NTMT1: variants seen among roughly 807,000 people sequenced by gnomAD.
NTMT1 encodes the protein N-terminal Xaa-Pro-Lys N-methyltransferase 1, also known as N-terminal RCC1 methyltransferase.
A neutral mutation model predicts 17.5 loss-of-function variants in NTMT1; 8 were observed. The observed-to-expected ratio is 0.46, with a 90% CI of 0.27 to 0.82. The LOEUF is 0.82. NTMT1 is among the 40% of genes least tolerant of loss of function. The pLI is 0.15. For missense variants in NTMT1, 221 were observed against 303.5 expected, an observed-to-expected ratio of 0.73 and a Z score of 2.02; for synonymous variants, 128 against 126.8, an observed-to-expected ratio of 1.01 and a Z score of -0.06.
chr9:129,635,219 G>T lies in NTMT1; in HGVS notation c.427G>T (p.Asp143Tyr). 1.2e-6 allele frequency: 2 copies of T among 1,609,614 alleles called. No individual in the cohort carries two copies. The highest frequency in any genetic ancestry group is 1.1e-5 in the South Asian group (1 of 91,010). The change falls in exon 4 of 4, where the codon GAT (aspartate) becomes TAT (tyrosine). Residue 143 changes from aspartate (D) to tyrosine (Y), a missense_variant. By Grantham distance (160) the Asp-to-Tyr change is radical (BLOSUM62 -3). Coordinates refer to ENST00000372483, the MANE Select transcript of NTMT1 (RefSeq NM_014064.4). Reference protein sequence around the residue: ...WIQWVIGHLTDQHLAEFLRRC... With the variant: ...WIQWVIGHLTYQHLAEFLRRC... ...TCTGCCCTCCCCAGGCCACCTCACC[G>T]ATCAGCACCTGGCCGAGTTCCTGCG...
intron 2 of NTMT1, 66 bp from the exon 3 acceptor site, chr9:129,633,988 C>T (rs1026885973): frequency 9.1e-6 from 14 of 1,542,374 alleles, no homozygotes; most frequent in Middle Eastern, 1.7e-4. Context: ...TCCTAGGGCT[C>T]GTGAGGAAGG....
At chr9:129,633,010 G>T in intron 2 of NTMT1, 145 bp downstream of exon 2, 1 of 868,436 alleles carries the variant, frequency 1.2e-6, no homozygotes, top group South Asian at 1.7e-5. Context: ...TGAGGAGCTG[G>T]GCTGGGTGGG....
chr9:129,610,219 GGGGAAA>G (rs1830079693), intron 1 of NTMT1, among the ~76,000 whole-genome samples: 1 of 45,964 alleles, frequency 2.2e-5, no homozygotes, highest in African/African-American at 1.3e-4. Flanking sequence ...GGGAGGGGGA[GGGGAAA>G]GGGGGAGGGA....
chr9:129,619,942 G>A, intron 1 of NTMT1: 1 of 1,492,298 alleles, frequency 6.7e-7, no homozygotes, highest in South Asian at 1.2e-5. Context: ...CGAGGGCTCT[G>A]AGATACTCAG....
chr9:129,618,490 T>G (rs768968557), intron 1 of NTMT1, among the ~76,000 whole-genome samples: 1 of 152,078 alleles, frequency 6.6e-6, no homozygotes, highest in South Asian at 2.1e-4. Flanking sequence ...GAACTATGAA[T>G]GTATGGGTAG....
chr9:129,632,625 G>T, intron 1 of NTMT1, 25 bp from the exon 2 acceptor site: 2 of 1,562,800 alleles, frequency 1.3e-6, no homozygotes, highest in Non-Finnish European at 8.7e-7. Flanking sequence ...CTGGCCCGCT[G>T]ACTCACGCCC....
chr9:129,630,804 G>A (rs553662123), intron 1 of NTMT1, among the ~76,000 whole-genome samples: 2 of 152,252 alleles, frequency 1.3e-5, no homozygotes, highest in African/African-American at 2.4e-5. Flanking sequence ...GTTTTCCACC[G>A]AGGGTATTTT....
chr9:129,611,150 C>T (rs1420778578), intron 1 of NTMT1, among the ~76,000 whole-genome samples: 1 of 152,212 alleles, frequency 6.6e-6, no homozygotes, highest in African/African-American at 2.4e-5. Context: ...CACCAGCCAC[C>T]GCCCAGGCCA....
chr9:129,613,298 G>A lies in NTMT1; in HGVS notation c.-55+4120G>A, dbSNP rs1339681615. ...GAGCTTCCTGGACTCTGAGTCCCCG[G>A]CCCACCCATGGCTGGCAGGGCCCTT... On this transcript the variant is annotated intron_variant, in intron 1 of 3. Coordinates refer to the NTMT1 transcript ENST00000372486. The surrounding 1 kb of genome is among the most constrained non-coding windows in gnomAD (Gnocchi z 6.2). 1.3e-6 allele frequency: 2 copies of A among 1,570,132 alleles called. No individual in the cohort carries two copies. The highest frequency in any genetic ancestry group is 1.7e-6 in the Non-Finnish European group (2 of 1,156,794).
At chr9:129,635,131 G>T in intron 3 of NTMT1, 77 bp from the exon 4 acceptor site, 2 of 1,515,676 alleles carry the variant, frequency 1.3e-6, no homozygotes, top group South Asian at 2.5e-5. Flanking sequence ...GGCTCAGCGG[G>T]GCTGAGAAGT....
Position 129,613,359 on chromosome 9 carries a change from G to A in NTMT1, c.-55+4181G>A. The A allele has an allele frequency of 6.3e-7, 1 of 1,581,444 alleles. No homozygotes were observed. ...ACTGGCAACCCGCCTGCTGCTGGGT[G>A]GGGAGGTCTGTAGGCAAGGGGGGTG... On this transcript the variant is annotated intron_variant, in intron 1 of 3. Transcript: ENST00000372486. The surrounding 1 kb of genome is among the most constrained non-coding windows in gnomAD (Gnocchi z 6.2).
At chr9:129,623,679 A>T (rs4240436), upstream of NTMT1, among the ~76,000 whole-genome samples, 1 of 152,242 alleles carries the variant, frequency 6.6e-6, no homozygotes, top group South Asian at 2.1e-4. Context: ...AATGCTTCTC[A>T]CCAGGGATGG....
chr9:129,631,866 GCA>G (rs1474982364), intron 1 of NTMT1, among the ~76,000 whole-genome samples: 5 of 152,176 alleles, frequency 3.3e-5, no homozygotes, highest in African/African-American at 1.2e-4. Flanking sequence ...CTTCTCCTCT[GCA>G]GCCCTCCCTG....
intron 2 of NTMT1, 21 bp downstream of exon 2, chr9:129,632,886 C>T (rs746176711): frequency 6.2e-7 from 1 of 1,609,720 alleles, no homozygotes; most frequent in African/African-American, 1.3e-5. Flanking sequence ...CTGGCGTGCT[C>T]TCCAGGAGAG....
In NTMT1 at chr9:129,619,595, G is replaced by A. The variant is rs2118887585; in HGVS notation, c.-55+10417G>A. The A allele has an allele frequency of 1.9e-6, 3 of 1,614,018 alleles. No individual in the cohort carries two copies. The South Asian group carries it at 3.3e-5, about 18-fold the overall frequency. ...CCCCAGAATAGGTGTCTGCTGGAGC[G>A]AAATCTTCGTAAGACTATCCTGGAG... is the stretch of plus-strand genomic sequence containing the variant. On this transcript the variant is annotated intron_variant, in intron 1 of 3. Transcript: ENST00000372486.
In NTMT1 at chr9:129,635,413, G is replaced by A. The variant is rs377409812; in HGVS notation, c.621G>A (p.Gln207=). 1.9e-6 allele frequency: 3 copies of A among 1,612,912 alleles called. No homozygotes were observed. Among genetic ancestry groups the A allele is most frequent in the Non-Finnish European group, 2.5e-6 (3 of 1,179,906 alleles). ...AGLSLLAEER[Q]ENLPDEIYHV... ...TCAGCCTCCTGGCCGAGGAGAGGCA[G>A]GAGAACCTCCCCGATGAGATCTACC... Residue 207 remains glutamine, a synonymous_variant, in exon 4 of 4, where the codon CAG becomes CAA. Coordinates refer to ENST00000372483, the MANE Select transcript of NTMT1 (RefSeq NM_014064.4).
upstream of NTMT1, among the ~76,000 whole-genome samples, chr9:129,623,228 G>T (rs1483666036): frequency 1.3e-5 from 2 of 151,772 alleles, no homozygotes; most frequent in African/African-American, 4.8e-5. Context: ...AGCTACGCGG[G>T]AGGCTGAGGC....
chr9:129,634,491 T>C, intron 3 of NTMT1, 185 bp downstream of exon 3: 1 of 516,270 alleles, frequency 1.9e-6, no homozygotes, highest in Non-Finnish European at 3.0e-6. Flanking sequence ...GCCTAAAAGG[T>C]AGATTTCTTC....
At chr9:129,615,582 C>G (rs1564334684) in intron 1 of NTMT1, 1 of 1,607,362 alleles carries the variant, frequency 6.2e-7, no homozygotes, top group Admixed American at 1.7e-5. Flanking sequence ...GGGCCTAGAG[C>G]CTTCCCCCGA....
Sources: gnomAD v4.1 joint callset for allele counts (sites outside exome capture counted in the v4.1 genomes callset) on GRCh38, gnomAD v4.1.1 for gene constraint, Gnocchi (gnomAD v3.1) non-coding constraint, MANE v1.5 for transcripts, NCBI Gene and HGNC (gene_info 2026-07-23, HGNC 2026-07-21) for gene names.